HOMEZ: variants seen among roughly 807,000 people sequenced by gnomAD.
HOMEZ encodes homeobox and leucine zipper encoding.
Under a neutral mutation model 50.1 loss-of-function variants are expected in HOMEZ, and 20 were observed. The observed-to-expected ratio is 0.40, with a 90% confidence interval of 0.28 to 0.58. The LOEUF is 0.58. Ranked by LOEUF, HOMEZ falls within the 20% of genes least tolerant of loss-of-function variation. The pLI, the probability that HOMEZ is intolerant of heterozygous loss-of-function variation, is 0.46. For synonymous variants in HOMEZ, 239 were observed against 254.7 expected (o/e 0.94, Z 0.59); for missense variants, 579 against 680.5 (o/e 0.85, Z 1.66).
chr14:23,276,839 C>T lies in HOMEZ; in HGVS notation c.389G>A (p.Arg130Gln), dbSNP rs748392753. ...EETRARVVYRRDQLHFKSLLS... is the reference protein window; with the variant it reads ...EETRARVVYRQDQLHFKSLLS... ...AAGGGATTTGAAATGGAGTTGGTCC[C>T]GACGGTAGACTACTCGGGCTCGAGT... The change falls in exon 2 of 2, where the codon CGG (arginine) becomes CAG (glutamine). Residue 130 changes from arginine to glutamine, a missense_variant. Physicochemically the swap from Arg to Gln is conservative, Grantham distance 43. Transcript: ENST00000357460. This position sits in a 1 kb window ranked among gnomAD's most constrained non-coding sequence, Gnocchi z 4.1. 50 of 1,613,880 alleles carry T rather than the reference C, an allele frequency of 3.1e-5. No individual in the cohort carries two copies. The highest frequency in any genetic ancestry group is 3.8e-5 in the Non-Finnish European group (45 of 1,179,902).
At chr14:23,278,992 A>ATTTT (rs57019278) in intron 1 of HOMEZ, among the ~76,000 whole-genome samples, 2 of 148,256 alleles carry the variant, frequency 1.3e-5, no homozygotes, top group African/African-American at 4.9e-5. Context: ...GTTAATAACT[A>ATTTT]TTTTTTTTTT....
chr14:23,275,055 A>G lies in HOMEZ; in HGVS notation c.*520T>C, dbSNP rs533415999. 2.0e-5 allele frequency: 3 copies of G among 153,150 alleles called. No homozygotes were observed. The highest frequency in any genetic ancestry group is 7.2e-5 in the African/African-American group (3 of 41,592). 9.5% of individuals were successfully genotyped at this position (153,150 alleles called of 1,614,324 possible). On this transcript the variant is annotated 3_prime_UTR_variant, in exon 2 of 2. Coordinates refer to ENST00000357460, the MANE Select transcript of HOMEZ (RefSeq NM_020834.3). ...GAGAATCTTGGTTGTCTAGGAAATG[A>G]TCAGTTACTAAGAAAAAAGTAAGAG...
rs202091297 is a variant in HOMEZ at position 23,277,117 on chromosome 14, T to C, written c.111A>G (p.Ser37=). Residue 37 remains serine (S), a synonymous_variant, in exon 2 of 2, where the codon TCA becomes TCG. Coordinates refer to ENST00000357460, the MANE Select transcript of HOMEZ (RefSeq NM_020834.3). ...PNKEASGLSS[S]PAGLICLPPI... ...GAGGGAGGCAGATGAGCCCCGCTGG[T>C]GAACTACTGAGACCGCTGGCCTCTT... 400 of 1,613,812 alleles carry C rather than the reference T, an allele frequency of 2.5e-4. No individual in the cohort carries two copies. The African/African-American group carries it at 3.6e-3, about 15-fold the overall frequency.
Position 23,272,452 on chromosome 14 carries a change from CCGAA to C in HOMEZ, c.*3119_*3122del. The C allele has an allele frequency of 2.7e-5, 7 of 257,010 alleles. No homozygotes were observed. Among genetic ancestry groups the C allele is most frequent in the South Asian group, 2.6e-4 (7 of 26,716 alleles). The allele number at this position is 257,010 out of a possible 1,614,324, so 15.9% of individuals were successfully genotyped here. On this transcript the variant is annotated 3_prime_UTR_variant, in exon 2 of 2. Coordinates refer to ENST00000357460, the MANE Select transcript of HOMEZ (RefSeq NM_020834.3). ...AACAAACAAACAAACAAACAAACAA[CCGAA>C]AATGTGAAAAAATTTTAAAGTTATT... is the stretch of plus-strand genomic sequence containing the variant.
chr14:23,284,027 A>T (rs1255820334), intron 1 of HOMEZ, among the ~76,000 whole-genome samples: 1 of 152,216 alleles, frequency 6.6e-6, no homozygotes. Context: ...AAAGACTTAT[A>T]GTGATATTCA....
Position 23,275,505 on chromosome 14 carries a change from T to G in HOMEZ, c.*70A>C. The G allele has an allele frequency of 6.8e-7, 1 of 1,463,922 alleles. No homozygotes were observed. Among genetic ancestry groups the G allele is most frequent in the South Asian group, 1.5e-5 (1 of 68,538 alleles). 90.7% of individuals were successfully genotyped at this position (1,463,922 alleles called of 1,614,324 possible). A position where few individuals can be genotyped will look rare whatever the true frequency, so the allele number is the denominator to read the frequency against. ...CACAAGGTAATTTTAAAAATGTGGT[T>G]TCTTTGTTTAAACAGTTACTAAGTT... is the stretch of plus-strand genomic sequence containing the variant. On this transcript the variant is annotated 3_prime_UTR_variant, in exon 2 of 2. Transcript: ENST00000357460.
Position 23,275,305 on chromosome 14 carries a change from C to T in HOMEZ, c.*270G>A. 1.5e-5 allele frequency: 7 copies of T among 464,656 alleles called. No individual in the cohort carries two copies. The highest frequency in any genetic ancestry group is 1.2e-4 in the South Asian group (3 of 25,206). The allele number at this position is 464,656 out of a possible 1,614,324, so 28.8% of individuals were successfully genotyped here. On this transcript the variant is annotated 3_prime_UTR_variant, in exon 2 of 2. Transcript: ENST00000357460. ...ACACGAGGAGAGCAAGAGCAGCTTC[C>T]CAGCCCATGGTTTCCCCAGATCCTT...
In HOMEZ at chr14:23,272,794, C is replaced by T; in HGVS notation, c.*2781G>A. 1 of 1,482,172 alleles carries T rather than the reference C, an allele frequency of 6.7e-7. No homozygotes were observed. The highest frequency in any genetic ancestry group is 9.2e-7 in the Non-Finnish European group (1 of 1,085,554). 91.8% of individuals were successfully genotyped at this position (1,482,172 alleles called of 1,614,324 possible). A position where few individuals can be genotyped will look rare whatever the true frequency, so the allele number is the denominator to read the frequency against. ...TGCCCTTTTTGCTGTTATAAACACC[C>T]ACATCTACCTTCTTGTCCTCTGCTG... On this transcript the variant is annotated 3_prime_UTR_variant, in exon 2 of 2. Transcript: ENST00000357460.
Position 23,276,350 on chromosome 14 carries a change from T to C in HOMEZ, c.878A>G (p.Gln293Arg). 2 of 1,613,874 alleles carry C rather than the reference T, an allele frequency of 1.2e-6. No homozygotes were observed. The highest frequency in any genetic ancestry group is 1.3e-5 in the African/African-American group (1 of 75,006). The change falls in exon 2 of 2, where the codon CAG becomes CGG. Residue 293 changes from glutamine (Q) to arginine (R), a missense_variant. Physicochemically the swap from Gln to Arg is conservative, Grantham distance 43. Transcript: ENST00000357460. The surrounding 1 kb of genome is among the most constrained non-coding windows in gnomAD (Gnocchi z 4.1). ...GGCAGTAGCTCCATTAGCCAGTACC[T>C]GGAAAGAAGAAGAGGTAGAGGAAGA... ...PSSSSTSSSF[Q>R]VLANGATAAS... is the part of the protein sequence containing the mutation.
intron 1 of HOMEZ, among the ~76,000 whole-genome samples, chr14:23,284,814 A>G (rs1450785007): frequency 4.6e-5 from 7 of 152,202 alleles, no homozygotes; most frequent in Non-Finnish European, 1.0e-4. Context: ...GTCTAAATTC[A>G]TACTTCACTT....
chr14:23,280,949 T>A (rs1336623601), intron 1 of HOMEZ, among the ~76,000 whole-genome samples: 2 of 150,980 alleles, frequency 1.3e-5, no homozygotes, highest in East Asian at 3.9e-4. Context: ...TTTTTGTATT[T>A]TAGTAGAGAC....
chr14:23,283,681 G>A (rs1886603641), intron 1 of HOMEZ, among the ~76,000 whole-genome samples: 1 of 152,048 alleles, frequency 6.6e-6, no homozygotes, highest in Non-Finnish European at 1.5e-5. Context: ...GATCACTTGA[G>A]GTCAGGAGTT....
rs571523838 is a variant in HOMEZ at position 23,275,952 on chromosome 14, C to T, written c.1276G>A (p.Gly426Ser). The T allele has an allele frequency of 2.9e-5, 46 of 1,611,390 alleles. 2 individuals are homozygous for T. In the South Asian group the frequency reaches 4.7e-4, roughly 17 times the overall value. The stretch of plus-strand genomic sequence containing the variant: ...GCTGGGTCTTGGAAACTAGGGGCAC[C>T]AGGTACTGCGTTGTCCCGAAACCAC... Reference protein sequence around the residue: ...LKWFRDNAVPGAPSFQDPAIP... With the variant: ...LKWFRDNAVPSAPSFQDPAIP... Residue 426 changes from glycine to serine, a missense_variant, in exon 2 of 2, where the codon GGT becomes AGT. Transcript: ENST00000357460.
In HOMEZ at chr14:23,276,494, G is replaced by C. The variant is rs756601955; in HGVS notation, c.734C>G (p.Thr245Ser). The change falls in exon 2 of 2, where the codon ACT becomes AGT. Residue 245 changes from threonine to serine, a missense_variant. Physicochemically the swap from Thr to Ser is moderately conservative, Grantham distance 58. Transcript: ENST00000357460. This position sits in a 1 kb window ranked among gnomAD's most constrained non-coding sequence, Gnocchi z 4.1. ...RGPNQSHGIG[T>S]ASWNHSTTVP... is the part of the protein sequence containing the mutation. ...GGTTGTGGAGTGGTTCCAGGAAGCA[G>C]TACCTATGCCATGTGACTGGTTGGG... The C allele has an allele frequency of 5.0e-6, 8 of 1,614,054 alleles. No homozygotes were observed. In the East Asian group the frequency reaches 1.6e-4, roughly 31 times the overall value.
intron 1 of HOMEZ, among the ~76,000 whole-genome samples, chr14:23,280,716 T>TA (rs1491535040): frequency 1.7e-5 from 1 of 57,928 alleles, no homozygotes; most frequent in Non-Finnish European, 3.1e-5. Flanking sequence ...TTTATTTTTA[T>TA]TTTATTTTAT....
chr14:23,279,345 T>G (rs1231371153), intron 1 of HOMEZ, among the ~76,000 whole-genome samples: 1 of 152,146 alleles, frequency 6.6e-6, no homozygotes, highest in African/African-American at 2.4e-5. Flanking sequence ...GGGGAAGAAG[T>G]TCTTATTCCT....
Position 23,286,108 on chromosome 14 carries a change from C to G in HOMEZ, c.-156G>C, listed in dbSNP as rs1028035418. Reference sequence around the variant, plus strand: ...GCGCGCCGGTCTACCCAGCCCTGCTCGAGCAAGTTGGAGGCGGGGCGGATG... The same window carrying G: ...GCGCGCCGGTCTACCCAGCCCTGCTGGAGCAAGTTGGAGGCGGGGCGGATG... On this transcript the variant is annotated 5_prime_UTR_variant, in exon 1 of 2. Transcript: ENST00000357460. 464 of 1,229,856 alleles carry G rather than the reference C, an allele frequency of 3.8e-4. No individual in the cohort carries two copies. Among genetic ancestry groups the G allele is most frequent in the Non-Finnish European group, 4.3e-4 (423 of 986,990 alleles). 76.2% of individuals were successfully genotyped at this position (1,229,856 alleles called of 1,614,324 possible). A position where few individuals can be genotyped will look rare whatever the true frequency, so the allele number is the denominator to read the frequency against.
rs1886230615 is a variant in HOMEZ, at chr14:23,273,042, AC to A, written c.*2532del. The A allele has an allele frequency of 2.0e-6, 1 of 509,568 alleles. No individual in the cohort carries two copies. The highest frequency in any genetic ancestry group is 3.5e-6 in the Non-Finnish European group (1 of 289,610). 31.6% of individuals were successfully genotyped at this position (509,568 alleles called of 1,614,324 possible). On this transcript the variant is annotated 3_prime_UTR_variant, in exon 2 of 2. Transcript: ENST00000357460. ...TGCTCCCCCCATCTTTACCCTATTC[AC>A]CCTTATCACCTCCCAGGACAGTGGT... is the stretch of plus-strand genomic sequence containing the variant.
Position 23,286,053 on chromosome 14 carries a change from C to A in HOMEZ, c.-101G>T, listed in dbSNP as rs765478291. The A allele has an allele frequency of 2.4e-6, 3 of 1,231,448 alleles. No homozygotes were observed. The highest frequency in any genetic ancestry group is 3.0e-6 in the Non-Finnish European group (3 of 987,484). The allele number at this position is 1,231,448 out of a possible 1,614,324, so 76.3% of individuals were successfully genotyped here. A position where few individuals can be genotyped will look rare whatever the true frequency, so the allele number is the denominator to read the frequency against. On this transcript the variant is annotated 5_prime_UTR_variant, in exon 1 of 2. Transcript: ENST00000357460. ...GAGCCCACCCCAGCGATGGCCGAAA[C>A]CGGGACTGCCCCCCCCACCGTCCCC...
Sources: allele counts gnomAD v4.1 joint callset (sites outside exome capture counted in the v4.1 genomes callset), GRCh38; gene constraint gnomAD v4.1.1; non-coding constraint Gnocchi (gnomAD v3.1); transcripts MANE v1.5; gene names NCBI Gene and HGNC (gene_info 2026-07-23, HGNC 2026-07-21).